Variants in FSTL5 observed in about 807,000 individuals in gnomAD.
FSTL5 encodes the protein follistatin-related protein 5.
Under a neutral mutation model 89.1 loss-of-function variants are expected in FSTL5, and 62 were observed. That is an observed-to-expected ratio of 0.70 (90% CI 0.57 to 0.86). The LOEUF is 0.86. FSTL5 is among the 40% of genes least tolerant of loss of function. FSTL5 has a pLI of 0.00. For synonymous variants in FSTL5, 383 were observed against 346.2 expected (o/e 1.11, Z -1.18); for missense variants, 1,057 against 1,001.6 (o/e 1.06, Z -0.75).
intron 15 of FSTL5, among the ~76,000 whole-genome samples, chr4:161,434,723 GAA>G (rs70937650): frequency 2.0e-5 from 3 of 150,394 alleles, no homozygotes; most frequent in East Asian, 2.0e-4. Flanking sequence ...AACTCTATAA[GAA>G]AAAAAAAATC....
At chr4:161,882,454 G>A (rs749925266) in intron 4 of FSTL5, among the ~76,000 whole-genome samples, 3 of 152,018 alleles carry the variant, frequency 2.0e-5, no homozygotes, top group Admixed American at 2.0e-4. Flanking sequence ...CATTCAGACC[G>A]CTTTTGCCAC....
intron 7 of FSTL5, among the ~76,000 whole-genome samples, chr4:161,634,287 C>T (rs1054368727): frequency 1.3e-5 from 2 of 152,160 alleles, no homozygotes; most frequent in African/African-American, 2.4e-5. Context: ...AAGGGAGAGA[C>T]ATTATTTAGA....
chr4:161,912,664 AT>A (rs1272623383), intron 4 of FSTL5, among the ~76,000 whole-genome samples: 1 of 152,132 alleles, frequency 6.6e-6, no homozygotes, highest in Non-Finnish European at 1.5e-5. Flanking sequence ...AATACAGTAA[AT>A]TGGTACCAGT....
chr4:161,759,592 T>TAAA, intron 5 of FSTL5, 61 bp from the exon 6 acceptor site: 14 of 1,060,630 alleles, frequency 1.3e-5, no homozygotes, highest in Non-Finnish European at 1.7e-5. Context: ...TATAATATAA[T>TAAA]TTATTATATG....
chr4:161,840,688 C>G (rs374048421), intron 4 of FSTL5, among the ~76,000 whole-genome samples: 29 of 152,118 alleles, frequency 1.9e-4, no homozygotes, highest in Admixed American at 1.4e-3. Context: ...TCTGATAAAC[C>G]AAATGTTGTA....
intron 6 of FSTL5, among the ~76,000 whole-genome samples, chr4:161,712,433 CT>C (rs1199277697): frequency 6.6e-6 from 1 of 152,110 alleles, no homozygotes; most frequent in African/African-American, 2.4e-5. Context: ...AGTAGTGACT[CT>C]GTTAAAAGCA....
intron 11 of FSTL5, among the ~76,000 whole-genome samples, chr4:161,503,122 C>A (rs1435252431): frequency 6.6e-6 from 1 of 151,560 alleles, no homozygotes; most frequent in African/African-American, 2.4e-5. Context: ...ATAATTTCCC[C>A]ATATCAAATT....
Position 161,891,115 on chromosome 4 carries a change from A to G in FSTL5, c.409+29289T>C, listed in dbSNP as rs1425766844. ...TAACTATTGTCACATTATTATTTGT[A>G]TTTCCAGTTGTCAACTATGTATCTT... On this transcript the variant is annotated intron_variant, in intron 4 of 15. Coordinates refer to ENST00000306100, the MANE Select transcript of FSTL5 (RefSeq NM_020116.5). Among the ~76,000 whole-genome samples, 7 of 151,980 alleles carry G rather than the reference A, an allele frequency of 4.6e-5. No individual in the cohort carries two copies. In the East Asian group the frequency reaches 1.3e-3, roughly 29 times the overall value.
chr4:161,744,514 A>C (rs898294004), intron 6 of FSTL5, among the ~76,000 whole-genome samples: 2 of 152,116 alleles, frequency 1.3e-5, no homozygotes, highest in Non-Finnish European at 2.9e-5. Flanking sequence ...CTTACACCTA[A>C]TTCTACCATA....
intron 4 of FSTL5, among the ~76,000 whole-genome samples, chr4:161,826,007 A>G (rs777060769): frequency 3.3e-5 from 5 of 151,978 alleles, no homozygotes; most frequent in Non-Finnish European, 7.4e-5. Flanking sequence ...TTTTTGATGT[A>G]TGCATTTAAA....
chr4:161,992,331 TA>T (rs1252639746), intron 3 of FSTL5, among the ~76,000 whole-genome samples: 1 of 152,048 alleles, frequency 6.6e-6, no homozygotes, highest in Non-Finnish European at 1.5e-5. Flanking sequence ...ACAAAAGCAG[TA>T]GAAGCAGAAA....
intron 3 of FSTL5, among the ~76,000 whole-genome samples, chr4:161,973,135 T>C (rs953659840): frequency 3.9e-5 from 6 of 152,236 alleles, no homozygotes; most frequent in Non-Finnish European, 8.8e-5. Flanking sequence ...GAAATCACTA[T>C]TTGATGATGA....
intron 1 of FSTL5, among the ~76,000 whole-genome samples, chr4:162,117,934 A>G (rs1731708351): frequency 6.6e-6 from 1 of 152,222 alleles, no homozygotes. Flanking sequence ...ATGGAATTGA[A>G]AATATTTGTT....
At chr4:162,146,661 GTCCCTTCCCTTCCCTTCCCT>G (rs200924276) in intron 1 of FSTL5, among the ~76,000 whole-genome samples, 419 of 140,884 alleles carry the variant, frequency 3.0e-3, no homozygotes, top group Middle Eastern at 7.4e-3. Context: ...TTTACCTAAT[GTCCCTTCCCTTCCCTTCCCT>G]TCCCTTCCCT....
At chr4:161,633,722 T>G (rs191977191) in intron 7 of FSTL5, among the ~76,000 whole-genome samples, 3 of 152,208 alleles carry the variant, frequency 2.0e-5, no homozygotes, top group African/African-American at 7.2e-5. Context: ...TAACTAGATG[T>G]ATGGAGCTGA....
At chr4:161,420,848 G>T (rs187413859) in intron 15 of FSTL5, among the ~76,000 whole-genome samples, 77 of 149,614 alleles carry the variant, frequency 5.1e-4, no homozygotes, top group Middle Eastern at 7.5e-3. Context: ...TATTATATAG[G>T]CCATAACATA....
At chr4:161,735,702 A>T (rs146357268) in intron 6 of FSTL5, among the ~76,000 whole-genome samples, 12 of 152,220 alleles carry the variant, frequency 7.9e-5, no homozygotes, top group African/African-American at 2.9e-4. Flanking sequence ...TCAGTAAAAA[A>T]ATTTGAGGAT....
At chr4:161,849,062 A>G (rs375780748) in intron 4 of FSTL5, among the ~76,000 whole-genome samples, 74 of 152,300 alleles carry the variant, frequency 4.9e-4, no homozygotes, top group African/African-American at 1.6e-3. Context: ...ATCAGTGCCA[A>G]TCATTTACTT....
intron 6 of FSTL5, among the ~76,000 whole-genome samples, chr4:161,747,825 A>G (rs1740253107): frequency 6.6e-6 from 1 of 152,152 alleles, no homozygotes; most frequent in African/African-American, 2.4e-5. Flanking sequence ...CTTTGTTTCT[A>G]TGTTTGTTGA....
Sources: allele counts gnomAD v4.1 joint callset (sites outside exome capture counted in the v4.1 genomes callset), GRCh38; gene constraint gnomAD v4.1.1; transcripts MANE v1.5; gene names NCBI Gene and HGNC (gene_info 2026-07-23, HGNC 2026-07-21).